The following CYP3A43 variants were observed in gnomAD, a reference collection of about 807,000 sequenced individuals.
The protein encoded by CYP3A43 is cytochrome P450 family 3 subfamily A member 43, also known as cytochrome P450 3A43.
A neutral mutation model predicts 58.0 loss-of-function variants in CYP3A43; 45 were observed. The ratio of observed to expected loss-of-function variants is 0.78; its 90% CI spans 0.61 to 0.99. The LOEUF (loss-of-function observed/expected upper bound fraction) is 0.99. Among genes scored for constraint, CYP3A43 ranks in the 50% least tolerant of loss-of-function variants. The pLI is 0.00. For missense variants in CYP3A43, 593 were observed against 591.9 expected (o/e 1.00, Z -0.02); for synonymous variants, 191 against 201.4 (o/e 0.95, Z 0.44).
intron 3 of CYP3A43, chr7:99,839,406 T>A (rs1817238448): frequency 2.9e-6 from 2 of 688,298 alleles, no homozygotes; most frequent in Non-Finnish European, 5.3e-6. Flanking sequence ...AAAAATAAAA[T>A]CTTTGAGACC....
intron 7 of CYP3A43, among the ~76,000 whole-genome samples, chr7:99,851,009 A>T (rs1370013841): frequency 6.6e-6 from 1 of 152,174 alleles, no homozygotes; most frequent in African/African-American, 2.4e-5. Flanking sequence ...TCTACTAAAA[A>T]TACAAAAATT....
intron 4 of CYP3A43, among the ~76,000 whole-genome samples, chr7:99,844,616 T>A (rs1325444211): frequency 1.3e-5 from 2 of 152,238 alleles, no homozygotes; most frequent in Non-Finnish European, 2.9e-5. Flanking sequence ...TTACTATGTG[T>A]AGCTTGTCTT....
chr7:99,847,371 C>A (rs2151606501), intron 4 of CYP3A43, 117 bp from the exon 5 acceptor site: 1 of 1,013,400 alleles, frequency 9.9e-7, no homozygotes, highest in Non-Finnish European at 1.4e-6. Context: ...AGCCTGCCAC[C>A]CAGTAGATAG....
chr7:99,847,460 G>A (rs763446677), intron 4 of CYP3A43, 28 bp from the exon 5 acceptor site: 8 of 1,607,626 alleles, frequency 5.0e-6, no homozygotes, highest in South Asian at 3.3e-5. Flanking sequence ...ACTTACGTAG[G>A]ACAAACTGCT....
At chr7:99,844,103 G>T (rs200783110) in intron 3 of CYP3A43, 40 bp from the exon 4 acceptor site, 172 of 1,525,670 alleles carry the variant, frequency 1.1e-4, no homozygotes, top group Non-Finnish European at 1.4e-4. Flanking sequence ...TGCAGAATCA[G>T]GCAAGCGAGG....
chr7:99,860,065 G>A (rs986192640), intron 10 of CYP3A43, 75 bp downstream of exon 10: 14 of 1,511,598 alleles, frequency 9.3e-6, no homozygotes, highest in Middle Eastern at 1.9e-4. Context: ...CACTTGCCAG[G>A]ACAATTTTTG....
In CYP3A43 at chr7:99,865,943, C is replaced by T. The variant is rs776398865; in HGVS notation, c.1454C>T (p.Pro485Leu). 4 of 1,608,452 alleles carry T rather than the reference C, an allele frequency of 2.5e-6. No individual in the cohort carries two copies. The highest frequency in any genetic ancestry group is 2.2e-5 in the East Asian group (1 of 44,692). The change falls in exon 13 of 13, where the codon CCA becomes CTA. Residue 485 changes from proline to leucine, a missense_variant. Transcript: ENST00000354829. Reference sequence around the variant, plus strand: ...TTAGACAATCTACCAATTCTTCAACCAGAAAAACCTATTGTTCTAAAAGTG... The same window carrying T: ...TTAGACAATCTACCAATTCTTCAACTAGAAAAACCTATTGTTCTAAAAGTG... ...LKLDNLPILQ[P>L]EKPIVLKVHL... is the part of the protein sequence containing the mutation.
chr7:99,861,508 A>G lies in CYP3A43; in HGVS notation c.1027-105A>G, dbSNP rs907537369. 8.5e-6 allele frequency: 8 copies of G among 938,322 alleles called. No individual in the cohort carries two copies. In the African/African-American group the frequency reaches 1.3e-4, roughly 16 times the overall value. The allele number at this position is 938,322 out of a possible 1,614,324, so 58.1% of individuals were successfully genotyped here. On this transcript the variant is annotated intron_variant, in intron 10 of 12. Transcript: ENST00000354829. ...ATAAATGCAACAATCTTTTACCAGA[A>G]TGAATTATTCTCTGGAGCTCCTAAC...
At chr7:99,845,912 A>G (rs1296283315) in intron 4 of CYP3A43, among the ~76,000 whole-genome samples, 1 of 151,524 alleles carries the variant, frequency 6.6e-6, no homozygotes, top group Non-Finnish European at 1.5e-5. Context: ...AGCAGCTGGG[A>G]TTACAGGCAT....
At chr7:99,859,555 A>C (rs1037801697) in intron 9 of CYP3A43, among the ~76,000 whole-genome samples, 1 of 152,196 alleles carries the variant, frequency 6.6e-6, no homozygotes, top group Non-Finnish European at 1.5e-5. Flanking sequence ...TCTCTTTGAA[A>C]GTTACCCAGC....
rs769615848 is a variant in CYP3A43, at chr7:99,844,247, G to A, written c.318+5G>A. 6.2e-7 allele frequency: 1 copy of A among 1,609,770 alleles called. No homozygotes were observed. The highest frequency in any genetic ancestry group is 2.2e-5 in the East Asian group (1 of 44,842). ...TCTGTCTTCACAAACCAGATGGTAG[G>A]CCTATATTTTCAAATGTATTAATCA... On this transcript the variant is annotated splice_donor_5th_base_variant and intron_variant, in intron 4 of 12. Transcript: ENST00000354829.
intron 2 of CYP3A43, among the ~76,000 whole-genome samples, chr7:99,837,799 G>A (rs1197830515): frequency 1.3e-5 from 2 of 152,186 alleles, no homozygotes; most frequent in African/African-American, 2.4e-5. Context: ...CTGGTCTGAT[G>A]CTCCACCAAG....
intron 3 of CYP3A43, among the ~76,000 whole-genome samples, chr7:99,841,489 C>T (rs1385299776): frequency 6.6e-6 from 1 of 152,058 alleles, no homozygotes. Context: ...CTTCCACCTC[C>T]CAGGGTCAAG....
intron 4 of CYP3A43, 148 bp from the exon 5 acceptor site, chr7:99,847,339 CT>C (rs1817574332): frequency 2.9e-6 from 2 of 686,894 alleles, no homozygotes; most frequent in Non-Finnish European, 4.7e-6. Context: ...CAAGATAAAT[CT>C]TTATTGAGCA....
At chr7:99,847,986 G>T in intron 5 of CYP3A43, 180 bp from the exon 6 acceptor site, 1 of 644,744 alleles carries the variant, frequency 1.6e-6, no homozygotes. Context: ...ACTCCAGCCT[G>T]GGCAACAAGA....
intron 1 of CYP3A43, among the ~76,000 whole-genome samples, chr7:99,836,190 A>G (rs1817069166): frequency 6.6e-6 from 1 of 152,218 alleles, no homozygotes; most frequent in African/African-American, 2.4e-5. Context: ...GAAGAAAGTG[A>G]GGCTCAGTCC....
At chr7:99,859,696 C>T in intron 9 of CYP3A43, 134 bp from the exon 10 acceptor site, 1 of 1,128,772 alleles carries the variant, frequency 8.9e-7, no homozygotes, top group Non-Finnish European at 1.3e-6. Flanking sequence ...GTGAAGCCAC[C>T]CGCAGTGTGA....
chr7:99,845,157 A>G (rs1817496829), intron 4 of CYP3A43, among the ~76,000 whole-genome samples: 1 of 151,536 alleles, frequency 6.6e-6, no homozygotes, highest in South Asian at 2.1e-4. Context: ...AATTTTTTGC[A>G]TAAGATGTAA....
rs917892351 is a variant in CYP3A43 at position 99,847,788 on chromosome 7, G to A, written c.432+187G>A. ...GCACTTTGGGAGGCCGAGGTGGGTG[G>A]ATCACCTGAGGTTAGGAGATTGAGA... is the stretch of plus-strand genomic sequence containing the variant. On this transcript the variant is annotated intron_variant, in intron 5 of 12. Transcript: ENST00000354829. The A allele has an allele frequency of 1.6e-5, 13 of 807,100 alleles. No homozygotes were observed. In the African/African-American group the frequency reaches 2.2e-4, roughly 14 times the overall value. The allele number at this position is 807,100 out of a possible 1,614,324, so 50.0% of individuals were successfully genotyped here.
Sources: gnomAD v4.1 joint callset for allele counts (sites outside exome capture counted in the v4.1 genomes callset) on GRCh38, gnomAD v4.1.1 for gene constraint, MANE v1.5 for transcripts, NCBI Gene and HGNC (gene_info 2026-07-23, HGNC 2026-07-21) for gene names.